ARK2C: variants seen among roughly 807,000 people sequenced by gnomAD.
ARK2C encodes the protein E3 ubiquitin-protein ligase ARK2C.
the ARK2C span, chr18:46,450,657 G>T: frequency 1.4e-6 from 2 of 1,413,790 alleles, no homozygotes; most frequent in South Asian, 2.3e-5. Context: ...GTGCATGTGG[G>T]CATTTATACA....
chr18:46,449,690 C>T, the ARK2C span, among the ~76,000 whole-genome samples: 5 of 152,208 alleles, frequency 3.3e-5, no homozygotes, highest in Non-Finnish European at 5.9e-5. Context: ...CCTCCCCATT[C>T]GCTTGGCACT....
the ARK2C span, among the ~76,000 whole-genome samples, chr18:46,448,414 G>T: frequency 6.6e-6 from 1 of 152,210 alleles, no homozygotes; most frequent in Non-Finnish European, 1.5e-5. Flanking sequence ...GCTGAGGGGA[G>T]TAGGAGTGGG....
At chr18:46,379,970 G>A in the ARK2C span, among the ~76,000 whole-genome samples, 2 of 152,178 alleles carry the variant, frequency 1.3e-5, no homozygotes, top group Non-Finnish European at 2.9e-5. Flanking sequence ...GAACTGGAAC[G>A]TCAGAGAAGA....
chr18:46,448,957 G>A, the ARK2C span, among the ~76,000 whole-genome samples: 1 of 152,114 alleles, frequency 6.6e-6, no homozygotes, highest in East Asian at 1.9e-4. Context: ...GCTTGCATGA[G>A]TAATTTTTGG....
chr18:46,397,539 G>T, the ARK2C span, among the ~76,000 whole-genome samples: 85 of 102,372 alleles, frequency 8.3e-4, 3 homozygotes, highest in East Asian at 9.9e-3. Context: ...TGTGTGTGTG[G>T]GGTCATGCTG....
chr18:46,372,562 G>A, the ARK2C span, among the ~76,000 whole-genome samples: 1 of 152,222 alleles, frequency 6.6e-6, no homozygotes, highest in Non-Finnish European at 1.5e-5. Context: ...CTGGAAGGGA[G>A]TGACACCATG....
chr18:46,454,224 A>G, the ARK2C span, among the ~76,000 whole-genome samples: 1 of 152,036 alleles, frequency 6.6e-6, no homozygotes, highest in African/African-American at 2.4e-5. Flanking sequence ...TTAACTATTA[A>G]AGGAAAATCA....
chr18:46,427,622 C>T, the ARK2C span, among the ~76,000 whole-genome samples: 5 of 152,192 alleles, frequency 3.3e-5, no homozygotes, highest in Non-Finnish European at 5.9e-5. Flanking sequence ...ACCAGTCTGC[C>T]TTCAACCAGC....
chr18:46,441,905 C>T, the ARK2C span, among the ~76,000 whole-genome samples: 1 of 149,424 alleles, frequency 6.7e-6, no homozygotes, highest in South Asian at 2.1e-4. Flanking sequence ...TGGCTCACGC[C>T]TGTAATCCCA....
the ARK2C span, among the ~76,000 whole-genome samples, chr18:46,355,776 A>T: frequency 6.6e-6 from 1 of 151,962 alleles, no homozygotes; most frequent in African/African-American, 2.4e-5. Context: ...CCCCCTCAAG[A>T]CCTTCTCCAA....
chr18:46,344,626 AG>A, the ARK2C span, among the ~76,000 whole-genome samples: 3 of 152,292 alleles, frequency 2.0e-5, no homozygotes, highest in Admixed American at 1.3e-4. Flanking sequence ...CGGCATCCAC[AG>A]TGGGCTCATT....
the ARK2C span, chr18:46,463,075 T>G: frequency 6.6e-6 from 1 of 152,262 alleles, no homozygotes; most frequent in Non-Finnish European, 1.5e-5. Context: ...ATGCTTAGAT[T>G]CACTTTTGGT....
the ARK2C span, among the ~76,000 whole-genome samples, chr18:46,349,152 G>A: frequency 2.0e-5 from 3 of 152,170 alleles, no homozygotes; most frequent in Non-Finnish European, 2.9e-5. Context: ...TCATCCCAGA[G>A]TGCCATCTTT....
the ARK2C span, among the ~76,000 whole-genome samples, chr18:46,384,900 G>A: frequency 6.6e-6 from 1 of 152,108 alleles, no homozygotes; most frequent in Non-Finnish European, 1.5e-5. Flanking sequence ...ATAAGAAAAT[G>A]TCCTGCCTTT....
At chr18:46,337,454 T>C in the ARK2C span, 4 of 985,310 alleles carry the variant, frequency 4.1e-6, no homozygotes, top group Non-Finnish European at 4.8e-6. Flanking sequence ...GTTAGAGATG[T>C]TACCCTGCTG....
the ARK2C span, among the ~76,000 whole-genome samples, chr18:46,364,192 C>T: frequency 1.3e-5 from 2 of 151,938 alleles, no homozygotes; most frequent in South Asian, 4.2e-4. Context: ...AAGTGATCTG[C>T]AAGCCTCAGC....
chr18:46,437,297 C>T, the ARK2C span, among the ~76,000 whole-genome samples: 2 of 152,106 alleles, frequency 1.3e-5, no homozygotes, highest in African/African-American at 2.4e-5. Context: ...CTAGTGGCGC[C>T]GAGGGGTTTT....
the ARK2C span, among the ~76,000 whole-genome samples, chr18:46,414,793 G>A: frequency 6.6e-6 from 1 of 152,206 alleles, no homozygotes; most frequent in Non-Finnish European, 1.5e-5. Context: ...AGGTTGCAGA[G>A]GCCTCTGGGA....
At chr18:46,362,255 G>C in the ARK2C span, among the ~76,000 whole-genome samples, 1 of 152,220 alleles carries the variant, frequency 6.6e-6, no homozygotes, top group African/African-American at 2.4e-5. Flanking sequence ...TGGGGAGGCA[G>C]GGTTTTCCTT....
Sources: gnomAD v4.1 joint callset for allele counts (sites outside exome capture counted in the v4.1 genomes callset) on GRCh38, gnomAD v4.1.1 for gene constraint, MANE v1.5 for transcripts, NCBI Gene and HGNC (gene_info 2026-07-23, HGNC 2026-07-21) for gene names.